Variants in GHR observed in about 807,000 individuals in gnomAD.
GHR encodes GH receptor.
Under a neutral mutation model 67.1 loss-of-function variants are expected in GHR, and 35 were observed. The observed-to-expected ratio is 0.52, with a 90% CI of 0.40 to 0.69. The LOEUF (loss-of-function observed/expected upper bound fraction) is 0.69, where lower values mean the gene tolerates loss of function less well. Ranked by LOEUF, GHR falls within the 30% of genes least tolerant of loss-of-function variation. GHR has a pLI of 0.00. For synonymous variants in GHR, 272 were observed against 269.1 expected (o/e 1.01, Z -0.10); for missense variants, 792 against 764.6 (o/e 1.04, Z -0.42).
At chr5:42,633,601 T>C (rs1419776002) in intron 3 of GHR, among the ~76,000 whole-genome samples, 1 of 152,182 alleles carries the variant, frequency 6.6e-6, no homozygotes, top group Non-Finnish European at 1.5e-5. Flanking sequence ...CAAGCCACCA[T>C]ACTCTGTTCT....
At chr5:42,617,558 G>C (rs1052686450) in intron 2 of GHR, among the ~76,000 whole-genome samples, 1 of 152,058 alleles carries the variant, frequency 6.6e-6, no homozygotes, top group Non-Finnish European at 1.5e-5. Context: ...TGGGAGTTCT[G>C]TTCCTCCCCA....
chr5:42,670,880 A>AAAAAAT (rs1554034852), intron 3 of GHR, among the ~76,000 whole-genome samples: 3 of 118,208 alleles, frequency 2.5e-5, no homozygotes, highest in Non-Finnish European at 3.4e-5. Flanking sequence ...AAAAAAAAAA[A>AAAAAAT]ATATATATAT....
At chr5:42,651,218 G>A (rs928714166) in intron 3 of GHR, among the ~76,000 whole-genome samples, 1 of 152,156 alleles carries the variant, frequency 6.6e-6, no homozygotes, top group Non-Finnish European at 1.5e-5. Context: ...GAGAGGCAAA[G>A]GCTCTACTTC....
At chr5:42,628,987 C>T (rs773514192) in intron 2 of GHR, 51 bp from the exon 3 acceptor site, 1 of 1,006,830 alleles carries the variant, frequency 9.9e-7, no homozygotes, top group Non-Finnish European at 1.5e-6. Flanking sequence ...AGGGTCATAT[C>T]AGATTGTTTT....
chr5:42,688,754 A>G (rs970472245), intron 3 of GHR, 136 bp from the exon 4 acceptor site: 26 of 850,108 alleles, frequency 3.1e-5, no homozygotes, highest in Non-Finnish European at 4.4e-5. Flanking sequence ...TCTGGAAGAC[A>G]TCGGCATTAC....
At chr5:42,607,422 G>A (rs933155138) in intron 2 of GHR, among the ~76,000 whole-genome samples, 3 of 152,178 alleles carry the variant, frequency 2.0e-5, no homozygotes, top group Non-Finnish European at 4.4e-5. Context: ...GGTGCTATTG[G>A]TGTGAATTAA....
At chr5:42,612,564 A>T (rs1752942636) in intron 2 of GHR, among the ~76,000 whole-genome samples, 1 of 152,130 alleles carries the variant, frequency 6.6e-6, no homozygotes, top group South Asian at 2.1e-4. Context: ...TCACTTGTAG[A>T]TCAATCAGTA....
intron 3 of GHR, among the ~76,000 whole-genome samples, chr5:42,641,849 A>G (rs1374658646): frequency 2.6e-5 from 4 of 152,130 alleles, no homozygotes; most frequent in Non-Finnish European, 4.4e-5. Context: ...ATATACACCA[A>G]TTCCTTCCTG....
At chr5:42,694,490 A>G (rs955996367) in intron 4 of GHR, among the ~76,000 whole-genome samples, 5 of 152,132 alleles carry the variant, frequency 3.3e-5, no homozygotes, top group African/African-American at 1.2e-4. Context: ...TTCTTTCACC[A>G]TAGGCTGGTG....
At chr5:42,538,341 C>T (rs1748352824) in intron 1 of GHR, among the ~76,000 whole-genome samples, 1 of 152,164 alleles carries the variant, frequency 6.6e-6, no homozygotes, top group Non-Finnish European at 1.5e-5. Flanking sequence ...ATTTAGAGCT[C>T]CTTTTAGCAG....
chr5:42,424,171 A>AGTGTGTGTGGGTGTGTGT lies in GHR; in HGVS notation c.-12+225_-12+226insGGTGTGTGTGTGTGTGTG, dbSNP rs1742737202. On this transcript the variant is annotated intron_variant, in intron 1 of 9. Coordinates refer to ENST00000230882, the MANE Select transcript of GHR (RefSeq NM_000163.5). This position sits in a 1 kb window ranked among gnomAD's most constrained non-coding sequence, Gnocchi z 4.1. ...CTGGTGGGTTGTTGTAACCCAATCT[A>AGTGTGTGTGGGTGTGTGT]GTGTGTGTGTGTGTGTGTGTGTGTG... Among the ~76,000 whole-genome samples, 1 of 100,512 alleles carries AGTGTGTGTGGGTGTGTGT rather than the reference A, an allele frequency of 9.9e-6. No individual in the cohort carries two copies. The allele number at this position is 100,512 out of a possible 152,430, so 65.9% of individuals were successfully genotyped here. A position where few individuals can be genotyped will look rare whatever the true frequency, so the allele number is the denominator to read the frequency against.
Position 42,719,690 on chromosome 5 carries a change from G to A in GHR, c.*266G>A. Reference sequence around the variant, plus strand: ...TAGTAGCAGTGATTGTCTTAATATTGTGGGTGTTAATTTTTGATACTAAGC... The same window carrying A: ...TAGTAGCAGTGATTGTCTTAATATTATGGGTGTTAATTTTTGATACTAAGC... On this transcript the variant is annotated 3_prime_UTR_variant, in exon 10 of 10. Coordinates refer to ENST00000230882, the MANE Select transcript of GHR (RefSeq NM_000163.5). The A allele has an allele frequency of 2.2e-6, 1 of 450,646 alleles. No homozygotes were observed. The highest frequency in any genetic ancestry group is 4.1e-6 in the Non-Finnish European group (1 of 243,262). 27.9% of individuals were successfully genotyped at this position (450,646 alleles called of 1,614,324 possible).
intron 4 of GHR, among the ~76,000 whole-genome samples, chr5:42,691,248 G>A (rs1010968179): frequency 6.6e-6 from 1 of 152,208 alleles, no homozygotes; most frequent in African/African-American, 2.4e-5. Context: ...TGGAATCCCA[G>A]GAGGGTAAGT....
chr5:42,424,543 G>T lies in GHR; in HGVS notation c.-12+588G>T. The T allele has an allele frequency of 6.6e-7, 1 of 1,525,166 alleles. No homozygotes were observed. The highest frequency in any genetic ancestry group is 8.8e-7 in the Non-Finnish European group (1 of 1,137,662). The allele number at this position is 1,525,166 out of a possible 1,614,324, so 94.5% of individuals were successfully genotyped here. A position where few individuals can be genotyped will look rare whatever the true frequency, so the allele number is the denominator to read the frequency against. On this transcript the variant is annotated intron_variant, in intron 1 of 9. Coordinates refer to ENST00000230882, the MANE Select transcript of GHR (RefSeq NM_000163.5). The surrounding 1 kb of genome is among the most constrained non-coding windows in gnomAD (Gnocchi z 4.1). ...TTTGTGCGGGCCGCAGCCGCACGTTGGCACCGATGGAACTGGGGTCAGTAG... is the reference window on the plus strand; with the variant it reads ...TTTGTGCGGGCCGCAGCCGCACGTTTGCACCGATGGAACTGGGGTCAGTAG...
intron 3 of GHR, among the ~76,000 whole-genome samples, chr5:42,659,750 G>A (rs1364805437): frequency 1.3e-5 from 2 of 152,192 alleles, no homozygotes; most frequent in African/African-American, 4.8e-5. Context: ...GTGCCAGACA[G>A]TGGGCCCGGG....
intron 3 of GHR, among the ~76,000 whole-genome samples, chr5:42,650,599 A>ATATATATATATATATATATATATATATG: frequency 6.8e-6 from 1 of 146,376 alleles, no homozygotes; most frequent in African/African-American, 2.5e-5. Context: ...ATATATATAT[A>ATATATATATATATATATATATATATATG]TATGTATGTC....
intron 2 of GHR, among the ~76,000 whole-genome samples, chr5:42,617,196 A>G (rs577508234): frequency 6.6e-6 from 1 of 151,648 alleles, no homozygotes; most frequent in Non-Finnish European, 1.5e-5. Flanking sequence ...GGGCCCAACC[A>G]TTTCTGGCTT....
At chr5:42,678,861 A>G (rs1756696210) in intron 3 of GHR, among the ~76,000 whole-genome samples, 1 of 151,596 alleles carries the variant, frequency 6.6e-6, no homozygotes, top group Admixed American at 6.6e-5. Flanking sequence ...TAATTTTGAG[A>G]CATTTTATTT....
chr5:42,558,834 T>TA (rs1457131959), intron 1 of GHR, among the ~76,000 whole-genome samples: 2 of 152,200 alleles, frequency 1.3e-5, no homozygotes, highest in South Asian at 2.1e-4. Flanking sequence ...TAATCACATT[T>TA]AAAAAATAAG....
Sources: allele counts gnomAD v4.1 joint callset (sites outside exome capture counted in the v4.1 genomes callset), GRCh38; gene constraint gnomAD v4.1.1; non-coding constraint Gnocchi (gnomAD v3.1); transcripts MANE v1.5; gene names NCBI Gene and HGNC (gene_info 2026-07-23, HGNC 2026-07-21).